The following PRDX6 variants were observed in gnomAD, a reference collection of about 807,000 sequenced individuals.
PRDX6 encodes peroxiredoxin 6.
A neutral mutation model predicts 20.0 loss-of-function variants in PRDX6; 13 were observed. The observed-to-expected ratio is 0.65, with a 90% CI of 0.42 to 1.03. The LOEUF (loss-of-function observed/expected upper bound fraction) is 1.03, where lower values mean the gene tolerates loss of function less well. PRDX6 is among the 50% of genes least tolerant of loss of function. The pLI, the probability that PRDX6 is intolerant of heterozygous loss-of-function variation, is 0.00. For missense variants in PRDX6, 203 were observed against 276.9 expected (o/e 0.73, Z 1.89); for synonymous variants, 85 against 100.8 (o/e 0.84, Z 0.94).
chr1:173,477,500 G>A lies in PRDX6; in HGVS notation c.95+8G>A, dbSNP rs1658716161. The stretch of plus-strand genomic sequence containing the variant: ...CGACTTTCTGGGAGACTCGTAAGTG[G>A]CCACCGCGTAGCCCTGTCCTGGCCT... On this transcript the variant is annotated splice_region_variant and intron_variant, in intron 1 of 4. Coordinates refer to ENST00000340385, the MANE Select transcript of PRDX6 (RefSeq NM_004905.3). The A allele has an allele frequency of 1.3e-6, 2 of 1,596,162 alleles. No homozygotes were observed. The highest frequency in any genetic ancestry group is 2.3e-5 in the East Asian group (1 of 42,658).
chr1:173,480,134 C>T (rs1658777353), intron 1 of PRDX6, among the ~76,000 whole-genome samples: 1 of 152,166 alleles, frequency 6.6e-6, no homozygotes, highest in Admixed American at 6.5e-5. Context: ...GAACATAGTG[C>T]ACACCTCCAC....
At chr1:173,482,985 A>G (rs1658829428) in intron 2 of PRDX6, among the ~76,000 whole-genome samples, 2 of 152,244 alleles carry the variant, frequency 1.3e-5, no homozygotes, top group African/African-American at 2.4e-5. Flanking sequence ...TTTTAATGCA[A>G]GATGATAAAG....
At position 173,488,011 on chromosome 1, in the gene PRDX6, T is replaced by A; in HGVS notation, c.*148T>A. On this transcript the variant is annotated 3_prime_UTR_variant, in exon 5 of 5. Coordinates refer to ENST00000340385, the MANE Select transcript of PRDX6 (RefSeq NM_004905.3). ...ATGGCTTATTAAATGAAAATGGCAC[T>A]AAAAGTTTCTTGAGATTCTTTATAC... is the stretch of plus-strand genomic sequence containing the variant. 1.1e-6 allele frequency: 1 copy of A among 920,502 alleles called. No individual in the cohort carries two copies. Among genetic ancestry groups the A allele is most frequent in the Non-Finnish European group, 1.6e-6 (1 of 626,464 alleles). 57.0% of individuals were successfully genotyped at this position (920,502 alleles called of 1,614,324 possible). A position where few individuals can be genotyped will look rare whatever the true frequency, so the allele number is the denominator to read the frequency against.
In PRDX6 at chr1:173,486,008, A is replaced by G. The variant is rs183516314; in HGVS notation, c.400-247A>G. On this transcript the variant is annotated intron_variant, in intron 3 of 4. Transcript: ENST00000340385. Reference sequence around the variant, plus strand: ...CAGCCTTTCCCTCGATTAAATTTGCATATCAGTTTTTCTTACTGGGAAAGC... The same window carrying G: ...CAGCCTTTCCCTCGATTAAATTTGCGTATCAGTTTTTCTTACTGGGAAAGC... Among the ~76,000 whole-genome samples the G allele has an allele frequency of 7.3e-4, 111 of 152,312 alleles. No individual in the cohort carries two copies. In the Middle Eastern group the frequency reaches 0.01, roughly 14 times the overall value.
rs1658799654 is a variant in PRDX6 at position 173,481,430 on chromosome 1, A to G, written c.200A>G (p.Lys67Arg). 6.2e-7 allele frequency: 1 copy of G among 1,614,154 alleles called. No individual in the cohort carries two copies. The highest frequency in any genetic ancestry group is 8.5e-7 in the Non-Finnish European group (1 of 1,179,988). Residue 67 changes from lysine (K) to arginine (R), a missense_variant, in exon 2 of 5, where the codon AAG becomes AGG. Coordinates refer to ENST00000340385, the MANE Select transcript of PRDX6 (RefSeq NM_004905.3). ...LAPEFAKRNV[K>R]LIALSIDSVE... Reference sequence around the variant, plus strand: ...CCAGAATTTGCCAAGAGGAATGTTAAGTTGATTGCCCTTTCAATAGACAGT... The same window carrying G: ...CCAGAATTTGCCAAGAGGAATGTTAGGTTGATTGCCCTTTCAATAGACAGT...
intron 1 of PRDX6, among the ~76,000 whole-genome samples, chr1:173,478,638 G>A (rs1434494167): frequency 6.6e-6 from 1 of 152,020 alleles, no homozygotes; most frequent in Non-Finnish European, 1.5e-5. Flanking sequence ...CTACACTGTG[G>A]GGCTCCAAGG....
At position 173,488,278 on chromosome 1, in the gene PRDX6, A is replaced by C. The variant is rs886340928; in HGVS notation, c.*415A>C. On this transcript the variant is annotated 3_prime_UTR_variant, in exon 5 of 5. Transcript: ENST00000340385. ...CCATTTTGAAGAGTGGCAGAACTTG[A>C]AGTTCAACTTCCTCTGTAAATATCC... 1 of 155,874 alleles carries C rather than the reference A, an allele frequency of 6.4e-6. No homozygotes were observed. Among genetic ancestry groups the C allele is most frequent in the Non-Finnish European group, 1.4e-5 (1 of 70,466 alleles). 9.7% of individuals were successfully genotyped at this position (155,874 alleles called of 1,614,324 possible).
At chr1:173,479,602 G>A (rs1658768167) in intron 1 of PRDX6, among the ~76,000 whole-genome samples, 1 of 152,204 alleles carries the variant, frequency 6.6e-6, no homozygotes, top group Admixed American at 6.5e-5. Flanking sequence ...CAAAATATGT[G>A]TTTTCCAGGG....
intron 4 of PRDX6, 50 bp downstream of exon 4, chr1:173,486,451 C>T: frequency 6.5e-7 from 1 of 1,546,558 alleles, no homozygotes. Context: ...AAGGGCCAGT[C>T]TCTAAATGGC....
At position 173,485,502 on chromosome 1, in the gene PRDX6, C is replaced by CAGCT; in HGVS notation, c.394_395insAGCT (p.Arg132GlnfsTer10). ...TGAAAAGGGCATGCCTGTGACAGCT[C>CAGCT]GTGTGGTAGGTCATACAAATTCATT... is the stretch of plus-strand genomic sequence containing the variant. On this transcript the variant is annotated frameshift_variant, in exon 3 of 5. Transcript: ENST00000340385. LOFTEE classifies it high-confidence loss of function. 6.3e-7 allele frequency: 1 copy of CAGCT among 1,592,636 alleles called. No homozygotes were observed. Among genetic ancestry groups the CAGCT allele is most frequent in the Non-Finnish European group, 8.6e-7 (1 of 1,168,172 alleles).
chr1:173,486,376 G>C lies in PRDX6; in HGVS notation c.521G>C (p.Arg174Thr). The C allele has an allele frequency of 5.0e-6, 8 of 1,609,904 alleles. No individual in the cohort carries two copies. The highest frequency in any genetic ancestry group is 6.8e-6 in the Non-Finnish European group (8 of 1,178,384). ...TCTCTCCAGCTGACAGCAGAAAAAA[G>C]GGTTGCCACCCCAGTTGATTGGAAG... ...VISLQLTAEKRVATPVDWKDG... is the reference protein window; with the variant it reads ...VISLQLTAEKTVATPVDWKDG... Residue 174 changes from arginine to threonine, a missense_variant, in exon 4 of 5, where the codon AGG (arginine) becomes ACG (threonine). Physicochemically the swap from Arg to Thr is moderately conservative, Grantham distance 71. Coordinates refer to ENST00000340385, the MANE Select transcript of PRDX6 (RefSeq NM_004905.3).
At chr1:173,483,524 C>G (rs1394184369) in intron 2 of PRDX6, among the ~76,000 whole-genome samples, 2 of 152,044 alleles carry the variant, frequency 1.3e-5, no homozygotes, top group East Asian at 3.9e-4. Flanking sequence ...GCACTCCAGC[C>G]TGGGCAACAG....
intron 2 of PRDX6, 46 bp from the exon 3 acceptor site, chr1:173,485,315 A>G (rs142552101): frequency 6.7e-7 from 1 of 1,483,242 alleles, no homozygotes; most frequent in Middle Eastern, 1.8e-4. Flanking sequence ...AATTCAGAGC[A>G]TGTGTTGGGT....
intron 1 of PRDX6, 81 bp from the exon 2 acceptor site, chr1:173,481,245 C>G: frequency 7.4e-7 from 1 of 1,348,870 alleles, no homozygotes; most frequent in Admixed American, 2.1e-5. Context: ...TGTTTTTGAT[C>G]CAGAAGTTGT....
chr1:173,484,399 G>A (rs1375111381), intron 2 of PRDX6, among the ~76,000 whole-genome samples: 1 of 151,664 alleles, frequency 6.6e-6, no homozygotes, highest in Non-Finnish European at 1.5e-5. Flanking sequence ...GGGAGTGTTC[G>A]TATACTTCAG....
At chr1:173,486,727 A>G (rs749871144) in intron 4 of PRDX6, among the ~76,000 whole-genome samples, 1 of 152,210 alleles carries the variant, frequency 6.6e-6, no homozygotes. Flanking sequence ...TTATCGCACA[A>G]TCTTAATTGG....
chr1:173,482,641 TAGA>T (rs1451507476), intron 2 of PRDX6, among the ~76,000 whole-genome samples: 1 of 152,216 alleles, frequency 6.6e-6, no homozygotes, highest in Non-Finnish European at 1.5e-5. Flanking sequence ...GGATGTATAC[TAGA>T]AACTATGTCA....
intron 3 of PRDX6, 76 bp from the exon 4 acceptor site, chr1:173,486,179 T>C (rs1658893182): frequency 7.7e-7 from 1 of 1,292,494 alleles, no homozygotes; most frequent in Non-Finnish European, 1.0e-6. Context: ...ACATTATTAA[T>C]GACTGCAGAG....
chr1:173,484,152 T>TTTATATTTA, intron 2 of PRDX6, among the ~76,000 whole-genome samples: 1 of 118,630 alleles, frequency 8.4e-6, no homozygotes, highest in African/African-American at 3.8e-5. Flanking sequence ...ATATATATAT[T>TTTATATTTA]TATATATATA....
Sources: allele counts gnomAD v4.1 joint callset (sites outside exome capture counted in the v4.1 genomes callset), GRCh38; gene constraint gnomAD v4.1.1; transcripts MANE v1.5; gene names NCBI Gene and HGNC (gene_info 2026-07-23, HGNC 2026-07-21).